USP34: variants seen among roughly 807,000 people sequenced by gnomAD.
The protein encoded by USP34 is ubiquitin carboxyl-terminal hydrolase 34.
USP34 carries 70 observed loss-of-function variants against 460.3 expected under a neutral mutation model. That is an observed-to-expected ratio of 0.15 (90% CI 0.13 to 0.19). USP34 has a LOEUF of 0.19. Ranked by LOEUF, USP34 falls within the 10% of genes least tolerant of loss-of-function variation. The probability of loss-of-function intolerance (pLI) is 1.00; values close to 1 mark genes in which losing one functional copy is unlikely to be tolerated. For synonymous variants in USP34, 1,647 were observed against 1,405.3 expected (o/e 1.17, Z -3.85); for missense variants, 3,985 against 4,236.2 (o/e 0.94, Z 1.65).
chr2:61,234,837 T>A (rs1340192197), intron 57 of USP34, among the ~76,000 whole-genome samples: 3 of 152,064 alleles, frequency 2.0e-5, no homozygotes, highest in Non-Finnish European at 4.4e-5. Context: ...TAGTTTTGCA[T>A]GTGGGCCGGG....
rs1293539921 is a variant in USP34, at chr2:61,204,539, G to C, written c.9217C>G (p.Leu3073Val). Reference protein sequence around the residue: ...HDFLHTLVPFLQHNHCTYHHS... With the variant: ...HDFLHTLVPFVQHNHCTYHHS... ...TGGTAAGTACAATGGTTGTGTTGTA[G>C]AAAGGGAACCAGAGTATGAAGAAAA... is the stretch of plus-strand genomic sequence containing the variant. Residue 3073 changes from leucine (L) to valine (V), a missense_variant, in exon 73 of 80, where the codon CTA becomes GTA. Leu to Val is a conservative substitution (Grantham distance 32). This residue lies in a region of USP34 where 275 missense variants were observed against 292.7 expected (regional missense o/e 0.94). Coordinates refer to ENST00000398571, the MANE Select transcript of USP34 (RefSeq NM_014709.4). The C allele has an allele frequency of 8.1e-6, 13 of 1,614,144 alleles. No homozygotes were observed. In the South Asian group the frequency reaches 1.4e-4, roughly 18 times the overall value.
intron 23 of USP34, among the ~76,000 whole-genome samples, chr2:61,316,084 T>TA (rs1012375414): frequency 1.3e-5 from 2 of 149,794 alleles, no homozygotes; most frequent in African/African-American, 4.9e-5. Context: ...CATGCGCCTA[T>TA]AATCCCAGCT....
chr2:61,305,064 G>A (rs563195554), intron 27 of USP34, among the ~76,000 whole-genome samples: 3 of 152,150 alleles, frequency 2.0e-5, no homozygotes, highest in East Asian at 3.9e-4. Flanking sequence ...GGTGGCTCAC[G>A]CCTGTAATCC....
intron 16 of USP34, among the ~76,000 whole-genome samples, chr2:61,343,248 C>G (rs931283675): frequency 2.0e-5 from 3 of 152,192 alleles, no homozygotes; most frequent in Admixed American, 6.5e-5. Context: ...TTGCTTTACT[C>G]ATTAATTCCC....
intron 27 of USP34, among the ~76,000 whole-genome samples, chr2:61,307,716 C>T (rs946665844): frequency 1.3e-5 from 2 of 151,776 alleles, no homozygotes; most frequent in Admixed American, 6.6e-5. Context: ...ACCAGAAGAC[C>T]GAGAGTACAA....
At chr2:61,344,921 C>A (rs910596878) in intron 15 of USP34, among the ~76,000 whole-genome samples, 2 of 152,046 alleles carry the variant, frequency 1.3e-5, no homozygotes, top group African/African-American at 4.8e-5. Context: ...TAGTGGCAAA[C>A]ATTCTGCAAT....
intron 1 of USP34, among the ~76,000 whole-genome samples, chr2:61,438,721 C>T (rs1033234644): frequency 6.6e-6 from 1 of 152,136 alleles, no homozygotes; most frequent in East Asian, 1.9e-4. Flanking sequence ...TCTTACTCAA[C>T]AAGAGAAAGA....
intron 3 of USP34, 96 bp from the exon 4 acceptor site, chr2:61,395,329 A>C (rs541862163): frequency 6.2e-6 from 5 of 805,964 alleles, no homozygotes; most frequent in Non-Finnish European, 9.9e-6. Context: ...AAAACCGAAT[A>C]AACAGATTAT....
intron 6 of USP34, among the ~76,000 whole-genome samples, chr2:61,381,283 C>A (rs918730531): frequency 1.4e-3 from 207 of 143,786 alleles, no homozygotes; most frequent in Middle Eastern, 0.01. Flanking sequence ...CACACACACA[C>A]ACAAAACTAC....
chr2:61,266,500 A>G (rs1265421398), intron 41 of USP34, among the ~76,000 whole-genome samples: 2 of 152,218 alleles, frequency 1.3e-5, no homozygotes, highest in Non-Finnish European at 2.9e-5. Flanking sequence ...GCGCTTCTGC[A>G]TTAACTTTCC....
At position 61,246,329 on chromosome 2, in the gene USP34, A is replaced by T; in HGVS notation, c.6543T>A (p.Asn2181Lys). 1 of 1,551,866 alleles carries T rather than the reference A, an allele frequency of 6.4e-7. No homozygotes were observed. The highest frequency in any genetic ancestry group is 2.3e-5 in the East Asian group (1 of 42,716). The change falls in exon 50 of 80, where the codon AAT becomes AAA. Residue 2181 changes from asparagine (N) to lysine (K), a missense_variant. Transcript: ENST00000398571. The part of the protein sequence containing the change: ...DIVNPHAYKN[N>K]KWYLFNDAEV... ...TTGAAATATTTAAAACTCACCATTT[A>T]TTGTTTTTATAAGCATGGGGATTTA...
chr2:61,401,849 C>A (rs1244709586), intron 3 of USP34, among the ~76,000 whole-genome samples: 1 of 151,266 alleles, frequency 6.6e-6, no homozygotes, highest in Non-Finnish European at 1.5e-5. Flanking sequence ...TGAGCCACCG[C>A]GCCCGGCCCA....
chr2:61,228,995 C>A lies in USP34; in HGVS notation c.7200G>T (p.Gly2400=), dbSNP rs1208441747. ...CTACTGAGGTATCCATATCATCTGA[C>A]CTAAGAGACAATTAAATAGATCTTA... ...HLYLQPGMED[G]SDDMDTSVED... The change falls in exon 60 of 80, where the codon GGG becomes GGT. Residue 2400 remains glycine (G), a splice_region_variant and synonymous_variant. Coordinates refer to ENST00000398571, the MANE Select transcript of USP34 (RefSeq NM_014709.4). The A allele has an allele frequency of 6.4e-7, 1 of 1,557,040 alleles. No individual in the cohort carries two copies. Among genetic ancestry groups the A allele is most frequent in the Non-Finnish European group, 8.7e-7 (1 of 1,151,356 alleles).
chr2:61,385,067 C>T (rs113898462), intron 5 of USP34, among the ~76,000 whole-genome samples: 2 of 152,078 alleles, frequency 1.3e-5, no homozygotes, highest in East Asian at 1.9e-4. Context: ...ATACACACAA[C>T]ACCCTATATA....
At chr2:61,342,617 T>C (rs1691641296) in intron 16 of USP34, among the ~76,000 whole-genome samples, 1 of 152,128 alleles carries the variant, frequency 6.6e-6, no homozygotes, top group African/African-American at 2.4e-5. Flanking sequence ...CAGCCCTTAT[T>C]GACCATTTCT....
intron 16 of USP34, 23 bp from the exon 17 acceptor site, chr2:61,339,704 GAC>G (rs1691527623): frequency 2.9e-6 from 3 of 1,049,112 alleles, no homozygotes; most frequent in African/African-American, 1.7e-5. Flanking sequence ...AAAAAAAAAA[GAC>G]ACACTATAGA....
Position 61,395,001 on chromosome 2 carries a change from T to A in USP34, c.605A>T (p.Asp202Val). The A allele has an allele frequency of 6.3e-7, 1 of 1,578,186 alleles. No homozygotes were observed. The highest frequency in any genetic ancestry group is 8.5e-7 in the Non-Finnish European group (1 of 1,169,710). ...NILGAFCDMNDVEVPLHLLRY... is the reference protein window; with the variant it reads ...NILGAFCDMNVVEVPLHLLRY... ...AAGCAAATGCAATGGTACTTCTACA[T>A]CCTGGGAAAATAAAGAAAACATGTC... Residue 202 changes from aspartate (D) to valine (V), a missense_variant and splice_region_variant, in exon 5 of 80, where the codon GAT (aspartate) becomes GTT (valine). Physicochemically the swap from Asp to Val is radical, Grantham distance 152. Around this residue, in one of 14 missense-constraint regions of USP34, gnomAD observed 331 missense variants for 293.7 expected, o/e 1.13. Coordinates refer to ENST00000398571, the MANE Select transcript of USP34 (RefSeq NM_014709.4).
At chr2:61,379,741 C>G (rs1309039835) in intron 7 of USP34, among the ~76,000 whole-genome samples, 1 of 152,152 alleles carries the variant, frequency 6.6e-6, no homozygotes, top group Non-Finnish European at 1.5e-5. Flanking sequence ...GTTACTTTGT[C>G]CTATTTAAAA....
chr2:61,325,255 G>A (rs1406138386), intron 21 of USP34, 120 bp downstream of exon 21: 3 of 606,922 alleles, frequency 4.9e-6, no homozygotes, highest in Non-Finnish European at 8.2e-6. Context: ...TGTGCCCACT[G>A]ACTCTAAAAT....
Sources: gnomAD v4.1 joint callset for allele counts (sites outside exome capture counted in the v4.1 genomes callset) on GRCh38, gnomAD v4.1.1 for gene constraint, gnomAD v4.1.1 regional missense constraint, MANE v1.5 for transcripts, NCBI Gene and HGNC (gene_info 2026-07-23, HGNC 2026-07-21) for gene names.